CHRM3: variants seen among roughly 807,000 people sequenced by gnomAD.
CHRM3 encodes muscarinic acetylcholine receptor M3.
In CHRM3, 11 loss-of-function variants were observed where a neutral mutation model predicts 41.8. The observed-to-expected ratio is 0.26, with a 90% CI of 0.17 to 0.44. The LOEUF (loss-of-function observed/expected upper bound fraction) is 0.44. Among genes scored for constraint, CHRM3 ranks in the 20% least tolerant of loss-of-function variants. The pLI is 1.00. For missense variants in CHRM3, 571 were observed against 745.4 expected, an observed-to-expected ratio of 0.77 and a Z score of 2.72; for synonymous variants, 297 against 301.4, an observed-to-expected ratio of 0.99 and a Z score of 0.15.
chr1:239,655,128 C>T (rs543148566), intron 4 of CHRM3, among the ~76,000 whole-genome samples: 45 of 152,280 alleles, frequency 3.0e-4, no homozygotes, highest in Middle Eastern at 3.4e-3. Context: ...GAGTTCTATT[C>T]ATGTGTCATA....
At chr1:239,586,180 A>C (rs925909841) in intron 3 of CHRM3, among the ~76,000 whole-genome samples, 4 of 152,200 alleles carry the variant, frequency 2.6e-5, no homozygotes, top group Non-Finnish European at 5.9e-5. Flanking sequence ...TTTTTTTATA[A>C]AACAATATCT....
chr1:239,681,139 G>A (rs1187373368), intron 5 of CHRM3, among the ~76,000 whole-genome samples: 1 of 152,042 alleles, frequency 6.6e-6, no homozygotes, highest in Non-Finnish European at 1.5e-5. Context: ...ACCTCCCCCT[G>A]GGTCCCTCCC....
chr1:239,550,953 T>A (rs1659750852), intron 3 of CHRM3, among the ~76,000 whole-genome samples: 1 of 152,004 alleles, frequency 6.6e-6, no homozygotes, highest in Admixed American at 6.6e-5. Context: ...TTATTTCTTT[T>A]GATTGCTTTT....
chr1:239,751,330 T>G (rs1462395523), intron 5 of CHRM3, among the ~76,000 whole-genome samples: 1 of 152,156 alleles, frequency 6.6e-6, no homozygotes, highest in African/African-American at 2.4e-5. Flanking sequence ...TTCAAGGATA[T>G]TCATTGAAGC....
chr1:239,502,602 A>C (rs1668308880), intron 2 of CHRM3, among the ~76,000 whole-genome samples: 1 of 152,174 alleles, frequency 6.6e-6, no homozygotes, highest in Non-Finnish European at 1.5e-5. Context: ...GTATCACCCT[A>C]ATACCAAAAC....
At chr1:239,555,598 T>C (rs922663391) in intron 3 of CHRM3, among the ~76,000 whole-genome samples, 2 of 152,320 alleles carry the variant, frequency 1.3e-5, no homozygotes, top group Middle Eastern at 3.4e-3. Context: ...TCCATGGCAA[T>C]GACTGGCAAC....
intron 6 of CHRM3, among the ~76,000 whole-genome samples, chr1:239,864,187 G>GC (rs1023314903): frequency 4.6e-5 from 7 of 151,850 alleles, no homozygotes; most frequent in Middle Eastern, 6.8e-3. Flanking sequence ...GCGAGACCCT[G>GC]CCCCCCCACC....
chr1:239,463,890 A>G (rs556897697), intron 1 of CHRM3, among the ~76,000 whole-genome samples: 61 of 152,276 alleles, frequency 4.0e-4, no homozygotes, highest in Non-Finnish European at 5.9e-4. Context: ...ATTTTATTCT[A>G]TGAATTTCAG....
chr1:239,591,447 T>G (rs796426112), intron 3 of CHRM3, among the ~76,000 whole-genome samples: 1 of 152,176 alleles, frequency 6.6e-6, no homozygotes, highest in Non-Finnish European at 1.5e-5. Flanking sequence ...CTTTTGTCTC[T>G]TATGTTCAGT....
chr1:239,395,159 G>C (rs1659371487), intron 1 of CHRM3, among the ~76,000 whole-genome samples: 1 of 151,898 alleles, frequency 6.6e-6, no homozygotes, highest in Non-Finnish European at 1.5e-5. Flanking sequence ...TCTTCTTCCT[G>C]TTCCCCACCC....
intron 4 of CHRM3, among the ~76,000 whole-genome samples, chr1:239,665,074 T>C (rs1673639259): frequency 6.6e-6 from 1 of 151,274 alleles, no homozygotes; most frequent in Non-Finnish European, 1.5e-5. Context: ...CTTCCACGAC[T>C]ATATTCACTT....
chr1:239,666,358 C>CA (rs1004705528), intron 4 of CHRM3, among the ~76,000 whole-genome samples: 14 of 86,708 alleles, frequency 1.6e-4, no homozygotes, highest in African/African-American at 5.9e-4. Context: ...CCACACCCAG[C>CA]AATTTTTTTT....
At chr1:239,799,554 C>G (rs1438785648) in intron 5 of CHRM3, among the ~76,000 whole-genome samples, 1 of 152,088 alleles carries the variant, frequency 6.6e-6, no homozygotes, top group Non-Finnish European at 1.5e-5. Flanking sequence ...ATCAATGTAC[C>G]CATGTCCACA....
intron 5 of CHRM3, among the ~76,000 whole-genome samples, chr1:239,711,811 C>T (rs1024381944): frequency 2.0e-5 from 3 of 151,988 alleles, no homozygotes; most frequent in Non-Finnish European, 2.9e-5. Flanking sequence ...GCTTCAGCCT[C>T]TAGAGTAGCT....
chr1:239,759,411 C>A (rs1408076916), intron 5 of CHRM3, among the ~76,000 whole-genome samples: 2 of 150,814 alleles, frequency 1.3e-5, no homozygotes, highest in Non-Finnish European at 2.9e-5. Flanking sequence ...AATATAAGTA[C>A]CCTAAACTTT....
At chr1:239,818,429 A>C (rs1671771326) in intron 5 of CHRM3, among the ~76,000 whole-genome samples, 1 of 152,094 alleles carries the variant, frequency 6.6e-6, no homozygotes. Context: ...ATTTGCCCTC[A>C]CCCTTTCTGA....
intron 6 of CHRM3, among the ~76,000 whole-genome samples, chr1:239,878,016 G>C (rs551821725): frequency 6.6e-6 from 1 of 151,016 alleles, no homozygotes; most frequent in Admixed American, 6.6e-5. Context: ...TCAGCCTCCC[G>C]AGTAGCTGGG....
chr1:239,766,867 A>G (rs2148695970), intron 5 of CHRM3, among the ~76,000 whole-genome samples: 1 of 152,168 alleles, frequency 6.6e-6, no homozygotes, highest in East Asian at 1.9e-4. Flanking sequence ...ACACGCCACC[A>G]TGCCTGGCTA....
At chr1:239,472,122 A>AAGCTTATT (rs1666170608) in intron 1 of CHRM3, among the ~76,000 whole-genome samples, 1 of 152,166 alleles carries the variant, frequency 6.6e-6, no homozygotes, top group Admixed American at 6.5e-5. Context: ...AAGTGATTGC[A>AAGCTTATT]AGCTTATTAG....
Sources: gnomAD v4.1 joint callset for allele counts (sites outside exome capture counted in the v4.1 genomes callset) on GRCh38, gnomAD v4.1.1 for gene constraint, MANE v1.5 for transcripts, NCBI Gene and HGNC (gene_info 2026-07-23, HGNC 2026-07-21) for gene names.